The following PRKN variants were observed in gnomAD, a reference collection of about 807,000 sequenced individuals.
PRKN encodes parkin RBR E3 ubiquitin protein ligase.
A neutral mutation model predicts 59.5 loss-of-function variants in PRKN; 56 were observed. The ratio of observed to expected loss-of-function variants is 0.94; its 90% CI spans 0.76 to 1.18. The LOEUF (loss-of-function observed/expected upper bound fraction) is 1.18. Among genes scored for constraint, PRKN ranks in the 50% most tolerant of loss-of-function variants. The probability of loss-of-function intolerance (pLI) is 0.00; values close to 1 mark genes in which losing one functional copy is unlikely to be tolerated. For missense variants in PRKN, 657 were observed against 596.4 expected, an observed-to-expected ratio of 1.10 and a Z score of -1.06; for synonymous variants, 250 against 222.1, an observed-to-expected ratio of 1.13 and a Z score of -1.12.
intron 6 of PRKN, among the ~76,000 whole-genome samples, chr6:161,940,672 T>C (rs1322669585): frequency 6.6e-6 from 1 of 152,204 alleles, no homozygotes; most frequent in Admixed American, 6.5e-5. Context: ...ACTTAGTTCA[T>C]GACCATAAGT....
chr6:161,650,321 A>G (rs1268913226), intron 7 of PRKN, among the ~76,000 whole-genome samples: 3 of 152,220 alleles, frequency 2.0e-5, no homozygotes, highest in African/African-American at 7.2e-5. Context: ...GTGCTTTGTT[A>G]CGATAAGGAA....
chr6:161,621,835 C>T (rs1383372001), intron 7 of PRKN, among the ~76,000 whole-genome samples: 1 of 152,144 alleles, frequency 6.6e-6, no homozygotes, highest in African/African-American at 2.4e-5. Context: ...GAGACGTGCT[C>T]TACAACATAG....
At chr6:162,103,042 C>CAAAAAAAAAAAA (rs1163020488) in intron 4 of PRKN, among the ~76,000 whole-genome samples, 1 of 54,336 alleles carries the variant, frequency 1.8e-5, no homozygotes, top group African/African-American at 6.3e-5. Flanking sequence ...GACTCTGTCT[C>CAAAAAAAAAAAA]AAAAAAAAAA....
At position 161,680,776 on chromosome 6, in the gene PRKN, T is replaced by TATATATATTTTG. The variant is rs1491495272; in HGVS notation, c.871+104995_871+104996insCAAAATATATAT. Among the ~76,000 whole-genome samples the TATATATATTTTG allele has an allele frequency of 2.1e-4, 4 of 18,942 alleles. No individual in the cohort carries two copies. In the Admixed American group the frequency reaches 2.2e-3, roughly 10 times the overall value. The allele number at this position is 18,942 out of a possible 152,430, so 12.4% of individuals were successfully genotyped here. A position where few individuals can be genotyped will look rare whatever the true frequency, so the allele number is the denominator to read the frequency against. ...ATATATATATATATATATATATATA[T>TATATATATTTTG]TTTTTTTTTTTTTTCTTTTCCTAAA... On this transcript the variant is annotated intron_variant, in intron 7 of 11. Coordinates refer to ENST00000366898, the MANE Select transcript of PRKN (RefSeq NM_004562.3).
chr6:162,230,974 T>C (rs1174495007), intron 3 of PRKN, among the ~76,000 whole-genome samples: 4 of 152,210 alleles, frequency 2.6e-5, no homozygotes. Flanking sequence ...CCCAATGTGA[T>C]GTAAATTCAT....
At chr6:161,425,243 C>G (rs16892521) in intron 9 of PRKN, among the ~76,000 whole-genome samples, 2,366 of 152,256 alleles carry the variant, frequency 0.016, 64 homozygotes, top group African/African-American at 0.054. Flanking sequence ...AACTGTACAG[C>G]CCACCAGCTT....
At chr6:161,925,634 C>T (rs1242026461) in intron 6 of PRKN, among the ~76,000 whole-genome samples, 2 of 152,064 alleles carry the variant, frequency 1.3e-5, no homozygotes, top group Non-Finnish European at 2.9e-5. Context: ...AAAGGAAGAT[C>T]CATTTTATAC....
At position 162,108,427 on chromosome 6, in the gene PRKN, TA is replaced by T. The variant is rs368630352; in HGVS notation, c.535-54254del. 2.1e-4 allele frequency among the ~76,000 whole-genome samples: 32 copies of T among 152,310 alleles called. 1 individual carries two copies. The highest frequency in any genetic ancestry group is 7.5e-4 in the African/African-American group (31 of 41,574). ...ATAATTATGCATATTTCATCTGAAC[TA>T]ATTTTCAGAAACCCTTTCCTTAGCA... is the stretch of plus-strand genomic sequence containing the variant. On this transcript the variant is annotated intron_variant, in intron 4 of 11. Coordinates refer to ENST00000366898, the MANE Select transcript of PRKN (RefSeq NM_004562.3).
At chr6:162,399,615 A>C (rs1787656641) in intron 2 of PRKN, among the ~76,000 whole-genome samples, 1 of 152,322 alleles carries the variant, frequency 6.6e-6, no homozygotes, top group Non-Finnish European at 1.5e-5. Flanking sequence ...TTATAGACTA[A>C]GAAATCTCAT....
chr6:162,075,991 CAG>C (rs1778810707), intron 4 of PRKN, among the ~76,000 whole-genome samples: 1 of 117,796 alleles, frequency 8.5e-6, no homozygotes, highest in Non-Finnish European at 1.7e-5. Context: ...TTTTTTAAGA[CAG>C]AGTCTCACTC....
At chr6:162,338,604 A>T (rs1021435204) in intron 2 of PRKN, among the ~76,000 whole-genome samples, 1 of 151,724 alleles carries the variant, frequency 6.6e-6, no homozygotes, top group African/African-American at 2.4e-5. Flanking sequence ...GCTCACTACA[A>T]CCTACACCTC....
chr6:161,679,891 A>T (rs1287825517), intron 7 of PRKN, among the ~76,000 whole-genome samples: 1 of 151,666 alleles, frequency 6.6e-6, no homozygotes, highest in Non-Finnish European at 1.5e-5. Flanking sequence ...AGGAGCTGGG[A>T]CTACAGGCGC....
At chr6:162,089,072 T>C (rs1237955956) in intron 4 of PRKN, among the ~76,000 whole-genome samples, 1 of 152,166 alleles carries the variant, frequency 6.6e-6, no homozygotes, top group African/African-American at 2.4e-5. Context: ...ACTACAACTT[T>C]TGTTCTTCAA....
intron 7 of PRKN, among the ~76,000 whole-genome samples, chr6:161,711,004 A>C (rs1786728290): frequency 7.2e-6 from 1 of 138,148 alleles, no homozygotes; most frequent in African/African-American, 2.7e-5. Flanking sequence ...CCTTTCTTCC[A>C]TTTGATTGTA....
intron 6 of PRKN, among the ~76,000 whole-genome samples, chr6:161,951,015 A>AT (rs372714967): frequency 0.026 from 2,621 of 100,658 alleles, 240 homozygotes; most frequent in African/African-American, 0.12. Flanking sequence ...ATAAATTATA[A>AT]TTTTTTTTTA....
chr6:162,316,076 C>T lies in PRKN; in HGVS notation c.172-53311G>A, dbSNP rs528267595. Among the ~76,000 whole-genome samples, 15 of 152,074 alleles carry T rather than the reference C, an allele frequency of 9.9e-5. No homozygotes were observed. The South Asian group carries it at 2.9e-3, about 29-fold the overall frequency. On this transcript the variant is annotated intron_variant, in intron 2 of 11. Coordinates refer to ENST00000366898, the MANE Select transcript of PRKN (RefSeq NM_004562.3). ...GGGCATGGGTCAGGTTCTATGATGT[C>T]CTGGTGATAGAAGTATTCCAAGGCT...
At chr6:162,089,732 C>T (rs993043458) in intron 4 of PRKN, among the ~76,000 whole-genome samples, 11 of 152,230 alleles carry the variant, frequency 7.2e-5, no homozygotes, top group Non-Finnish European at 1.2e-4. Flanking sequence ...TACCACAAGT[C>T]GCAAATATGG....
At chr6:162,721,795 G>A (rs1778950127) in intron 1 of PRKN, among the ~76,000 whole-genome samples, 1 of 152,166 alleles carries the variant, frequency 6.6e-6, no homozygotes, top group Admixed American at 6.5e-5. Flanking sequence ...GGTGCTAATT[G>A]CCTCACACTA....
intron 4 of PRKN, among the ~76,000 whole-genome samples, chr6:162,086,287 A>G (rs1359216438): frequency 1.3e-5 from 2 of 152,290 alleles, no homozygotes; most frequent in East Asian, 3.9e-4. Flanking sequence ...CTCTGAGTGC[A>G]TGAGTGGACT....
Sources: allele counts gnomAD v4.1 joint callset (sites outside exome capture counted in the v4.1 genomes callset), GRCh38; gene constraint gnomAD v4.1.1; transcripts MANE v1.5; gene names NCBI Gene and HGNC (gene_info 2026-07-23, HGNC 2026-07-21).